NEXMIF: variants seen among roughly 807,000 people sequenced by gnomAD.
NEXMIF encodes XLMR protein related to neurite extension.
NEXMIF carries 8 observed loss-of-function variants against 62.1 expected under a neutral mutation model. The ratio of observed to expected loss-of-function variants is 0.13; its 90% CI spans 0.08 to 0.23. NEXMIF has a LOEUF of 0.23. Among genes scored for constraint, NEXMIF ranks in the 10% least tolerant of loss-of-function variants. The probability of loss-of-function intolerance (pLI) is 1.00; values close to 1 mark genes in which losing one functional copy is unlikely to be tolerated. For missense variants in NEXMIF, 976 were observed against 1,113.3 expected (o/e 0.88, Z 1.75); for synonymous variants, 404 against 416.6 (o/e 0.97, Z 0.37).
At chrX:74,766,270 C>G (rs1411244259) in intron 1 of NEXMIF, among the ~76,000 whole-genome samples, 1 of 111,247 alleles carries the variant, frequency 9.0e-6, no homozygotes, top group Non-Finnish European at 1.9e-5. Flanking sequence ...CCAAATTTGA[C>G]TGTTGGCATC....
intron 1 of NEXMIF, among the ~76,000 whole-genome samples, chrX:74,885,361 GGTT>G (rs1327190547): frequency 9.0e-6 from 1 of 111,392 alleles, no homozygotes; most frequent in Non-Finnish European, 1.9e-5. Context: ...CCCTGGAGCT[GGTT>G]TTTTGAAAAG....
chrX:74,732,988 A>T lies in NEXMIF; in HGVS notation c.*6417T>A, dbSNP rs1048692753. 5.3e-5 allele frequency: 6 copies of T among 112,167 alleles called. No individual in the cohort carries two copies. Among genetic ancestry groups the T allele is most frequent in the Admixed American group, 2.8e-4 (3 of 10,575 alleles). 9.2% of individuals were successfully genotyped at this position (112,167 alleles called of 1,213,427 possible). On this transcript the variant is annotated 3_prime_UTR_variant, in exon 4 of 4. Coordinates refer to ENST00000055682, the MANE Select transcript of NEXMIF (RefSeq NM_001008537.3). ...TTTAAGGTCTTTGAAGACTGGACAC[A>T]CTAGAAGATGATTCCTCAATTTGAG...
chrX:74,874,903 T>A (rs1487660669), intron 1 of NEXMIF, among the ~76,000 whole-genome samples: 1 of 108,674 alleles, frequency 9.2e-6, no homozygotes, highest in Non-Finnish European at 1.9e-5. Context: ...GCTGAGACGA[T>A]GGGGTTTTCT....
intron 1 of NEXMIF, among the ~76,000 whole-genome samples, chrX:74,896,573 T>C (rs1206328622): frequency 8.9e-6 from 1 of 111,947 alleles, no homozygotes; most frequent in Non-Finnish European, 1.9e-5. Context: ...TCTAGCTCTT[T>C]CTTTTCTCTC....
At chrX:74,873,240 G>C (rs1311228975) in intron 1 of NEXMIF, among the ~76,000 whole-genome samples, 1 of 110,613 alleles carries the variant, frequency 9.0e-6, no homozygotes. Flanking sequence ...AATATGCGGT[G>C]TTTGGTTTTT....
chrX:74,753,982 G>A (rs1048997700), intron 1 of NEXMIF, among the ~76,000 whole-genome samples: 1 of 112,248 alleles, frequency 8.9e-6, no homozygotes, highest in African/African-American at 3.2e-5. Flanking sequence ...TATTTTTTGA[G>A]ATGGAGTCTC....
In NEXMIF at chrX:74,743,392, C is replaced by G; in HGVS notation, c.1165G>C (p.Gly389Arg). 1 of 1,211,384 alleles carries G rather than the reference C, an allele frequency of 8.3e-7. No individual in the cohort carries two copies. Among genetic ancestry groups the G allele is most frequent in the Non-Finnish European group, 1.1e-6 (1 of 895,442 alleles). The stretch of plus-strand genomic sequence containing the variant: ...TTCTCTACACCTTTGTCTTCCTGTC[C>G]TTCCTCTTTGCCTTTCTTCTTGTCC... ...NLDKKKGKEE[G>R]QEDKGVEKKD... The change falls in exon 3 of 4, where the codon GGA (glycine) becomes CGA (arginine). Residue 389 changes from glycine (G) to arginine (R), a missense_variant. Physicochemically the swap from Gly to Arg is moderately radical, Grantham distance 125 (BLOSUM62 -2). Transcript: ENST00000055682.
intron 1 of NEXMIF, among the ~76,000 whole-genome samples, chrX:74,916,759 C>T (rs2080808557): frequency 9.0e-6 from 1 of 111,660 alleles, no homozygotes; most frequent in Non-Finnish European, 1.9e-5. Context: ...AGACATTTAC[C>T]AAGGGGTAGA....
intron 1 of NEXMIF, among the ~76,000 whole-genome samples, chrX:74,917,792 TGTGA>T (rs1389363130): frequency 9.0e-6 from 1 of 111,240 alleles, no homozygotes; most frequent in East Asian, 2.8e-4. Flanking sequence ...GCAGATGAAA[TGTGA>T]GTGAGCTTTT....
At chrX:74,922,452 T>C (rs1270951178) in intron 1 of NEXMIF, among the ~76,000 whole-genome samples, 2 of 112,141 alleles carry the variant, frequency 1.8e-5, no homozygotes, top group Admixed American at 9.4e-5. Flanking sequence ...AATTCTGCCA[T>C]GTACTTACAT....
chrX:74,840,528 C>T (rs1310892039), intron 1 of NEXMIF, among the ~76,000 whole-genome samples: 2 of 111,877 alleles, frequency 1.8e-5, no homozygotes, highest in Non-Finnish European at 3.8e-5. Context: ...GTTGGAATTG[C>T]CTTTGGTGTC....
intron 1 of NEXMIF, among the ~76,000 whole-genome samples, chrX:74,796,516 T>C (rs2080312546): frequency 9.4e-6 from 1 of 106,794 alleles, no homozygotes; most frequent in Non-Finnish European, 1.9e-5. Flanking sequence ...AAATGGTTCA[T>C]TCTAGGGCTA....
intron 1 of NEXMIF, among the ~76,000 whole-genome samples, chrX:74,857,200 C>A (rs1380716477): frequency 8.9e-6 from 1 of 111,971 alleles, no homozygotes; most frequent in Non-Finnish European, 1.9e-5. Flanking sequence ...GGAGTGCTTG[C>A]ACCACCACTA....
At chrX:74,832,186 C>T (rs2080440022) in intron 1 of NEXMIF, among the ~76,000 whole-genome samples, 1 of 111,233 alleles carries the variant, frequency 9.0e-6, no homozygotes, top group South Asian at 3.8e-4. Flanking sequence ...GGTATTAGTT[C>T]CTCTTTAAAT....
intron 1 of NEXMIF, among the ~76,000 whole-genome samples, chrX:74,832,890 G>C (rs181418853): frequency 1.5e-4 from 17 of 111,863 alleles, no homozygotes; most frequent in African/African-American, 5.5e-4. Context: ...TCATTAGGAA[G>C]AACATTGTTT....
At chrX:74,826,865 A>T (rs191937145) in intron 1 of NEXMIF, among the ~76,000 whole-genome samples, 1,160 of 111,736 alleles carry the variant, frequency 0.01, 17 homozygotes, top group African/African-American at 0.035. Flanking sequence ...AAGTGTTATG[A>T]TTCTAATATT....
chrX:74,882,134 A>G (rs6647554), intron 1 of NEXMIF, among the ~76,000 whole-genome samples: 14,661 of 111,736 alleles, frequency 0.13, 1,584 homozygotes, highest in East Asian at 0.91. Flanking sequence ...ATATCCATCA[A>G]TGATAGACTG....
chrX:74,899,883 T>C (rs1418951619), intron 1 of NEXMIF, among the ~76,000 whole-genome samples: 1 of 111,850 alleles, frequency 8.9e-6, no homozygotes, highest in Non-Finnish European at 1.9e-5. Context: ...TATTGTGAAA[T>C]AACATTGTAA....
intron 1 of NEXMIF, among the ~76,000 whole-genome samples, chrX:74,894,167 C>A (rs1469248775): frequency 9.1e-6 from 1 of 110,317 alleles, no homozygotes; most frequent in African/African-American, 3.3e-5. Flanking sequence ...GGCATGGTGG[C>A]ACGCACCTGT....
Sources: gnomAD v4.1 joint callset for allele counts (sites outside exome capture counted in the v4.1 genomes callset) on GRCh38, gnomAD v4.1.1 for gene constraint, MANE v1.5 for transcripts, NCBI Gene and HGNC (gene_info 2026-07-23, HGNC 2026-07-21) for gene names.